EXD1: variants seen among roughly 807,000 people sequenced by gnomAD.
EXD1 encodes piRNA biogenesis protein EXD1.
Under a neutral mutation model 49.1 loss-of-function variants are expected in EXD1, and 63 were observed. The observed-to-expected ratio is 1.28, with a 90% confidence interval of 1.05 to 1.58. The LOEUF (loss-of-function observed/expected upper bound fraction) is 1.58, where lower values mean the gene tolerates loss of function less well. Among genes scored for constraint, EXD1 ranks in the 40% most tolerant of loss-of-function variants. EXD1 has a pLI of 0.00. For synonymous variants in EXD1, 234 were observed against 239.2 expected, an observed-to-expected ratio of 0.98 and a Z score of 0.20; for missense variants, 748 against 666.0, an observed-to-expected ratio of 1.12 and a Z score of -1.36.
intron 9 of EXD1, among the ~76,000 whole-genome samples, chr15:41,194,457 T>C (rs2046579792): frequency 6.6e-6 from 1 of 152,074 alleles, no homozygotes; most frequent in African/African-American, 2.4e-5. Flanking sequence ...AAGTGGCCAC[T>C]AGAAGCTGAA....
intron 10 of EXD1, 56 bp from the exon 11 acceptor site, chr15:41,190,184 A>G (rs911387175): frequency 1.9e-6 from 3 of 1,590,566 alleles, no homozygotes; most frequent in Non-Finnish European, 2.6e-6. Context: ...AAAGAAAATA[A>G]CTGTTTTAGG....
chr15:41,224,249 T>A (rs1384725073), intron 2 of EXD1, among the ~76,000 whole-genome samples: 1 of 152,152 alleles, frequency 6.6e-6, no homozygotes, highest in Non-Finnish European at 1.5e-5. Flanking sequence ...CTAGACTAAG[T>A]TTTTTGAGAA....
At chr15:41,217,029 G>A (rs1260627433) in intron 4 of EXD1, 68 bp downstream of exon 4, 8 of 1,448,336 alleles carry the variant, frequency 5.5e-6, no homozygotes, top group African/African-American at 1.4e-5. Context: ...GTGAATTAGA[G>A]TTAAGGCTTT....
At chr15:41,210,300 A>G (rs141925188) in intron 6 of EXD1, among the ~76,000 whole-genome samples, 93 of 152,310 alleles carry the variant, frequency 6.1e-4, no homozygotes, top group African/African-American at 2.2e-3. Context: ...TGAAAGGAAT[A>G]TAGGTGGTGG....
intron 7 of EXD1, among the ~76,000 whole-genome samples, chr15:41,197,796 T>C (rs2140841636): frequency 6.8e-6 from 1 of 146,046 alleles, no homozygotes; most frequent in South Asian, 2.1e-4. Context: ...GCTAATTTTT[T>C]GTATATTTTA....
At chr15:41,191,656 T>C in intron 9 of EXD1, 71 bp from the exon 10 acceptor site, 1 of 1,407,286 alleles carries the variant, frequency 7.1e-7, no homozygotes, top group Admixed American at 2.0e-5. Flanking sequence ...CAGAAATATA[T>C]TTAGAGAAAT....
Position 41,191,803 on chromosome 15 carries a change from G to A in EXD1, c.721-218C>T, listed in dbSNP as rs111971541. 7.0e-3 allele frequency among the ~76,000 whole-genome samples: 1,060 copies of A among 151,360 alleles called. 12 individuals carry two copies. Among genetic ancestry groups the A allele is most frequent in the African/African-American group, 0.023 (963 of 41,326 alleles). On this transcript the variant is annotated intron_variant, in intron 9 of 11. Transcript: ENST00000458580. ...GCTCAATTTTTTTTTTTGAGGTGGA[G>A]TCTCGCTCTGTCGCTCAGGCTGGAG...
At chr15:41,215,712 A>G in intron 6 of EXD1, 63 bp downstream of exon 6, 1 of 1,496,926 alleles carries the variant, frequency 6.7e-7, no homozygotes, top group South Asian at 1.2e-5. Flanking sequence ...AAAGAAATTT[A>G]TGACACACAG....
At chr15:41,223,807 G>A (rs538413215) in intron 2 of EXD1, among the ~76,000 whole-genome samples, 3 of 151,404 alleles carry the variant, frequency 2.0e-5, no homozygotes, top group Admixed American at 2.0e-4. Context: ...AAAGGTTCCA[G>A]TGAGCCAAGA....
intron 2 of EXD1, among the ~76,000 whole-genome samples, chr15:41,224,258 A>G (rs1228806045): frequency 6.6e-6 from 1 of 152,160 alleles, no homozygotes; most frequent in Non-Finnish European, 1.5e-5. Flanking sequence ...GTTTTTTGAG[A>G]ACAGGAACCA....
intron 11 of EXD1, among the ~76,000 whole-genome samples, chr15:41,186,289 T>C (rs570341881): frequency 1.3e-5 from 2 of 152,050 alleles, no homozygotes; most frequent in Admixed American, 1.3e-4. Flanking sequence ...CTGACCAACA[T>C]GGCCAAACCC....
chr15:41,183,746 T>C lies in EXD1; in HGVS notation c.*185A>G, dbSNP rs553889292. On this transcript the variant is annotated 3_prime_UTR_variant, in exon 12 of 12. Transcript: ENST00000458580. ...ATAATCAGAAATTATACTTCTTCCATTATTTAACTTATTCATTCTCATTCT... is the reference window on the plus strand; with the variant it reads ...ATAATCAGAAATTATACTTCTTCCACTATTTAACTTATTCATTCTCATTCT... 2.7e-5 allele frequency: 14 copies of C among 522,888 alleles called. No individual in the cohort carries two copies. In the African/African-American group the frequency reaches 2.7e-4, roughly 10 times the overall value. 32.4% of individuals were successfully genotyped at this position (522,888 alleles called of 1,614,324 possible). A position where few individuals can be genotyped will look rare whatever the true frequency, so the allele number is the denominator to read the frequency against.
intron 11 of EXD1, among the ~76,000 whole-genome samples, chr15:41,184,921 G>A (rs978877176): frequency 6.6e-6 from 1 of 152,148 alleles, no homozygotes; most frequent in African/African-American, 2.4e-5. Context: ...CTCCCAAAGT[G>A]CTGGGATTAC....
At chr15:41,218,486 CA>C (rs35305069) in intron 3 of EXD1, among the ~76,000 whole-genome samples, 2,972 of 79,002 alleles carry the variant, frequency 0.038, 28 homozygotes, top group Non-Finnish European at 0.043. Context: ...GAATCCGTCT[CA>C]AAAAAAAAAA....
intron 7 of EXD1, among the ~76,000 whole-genome samples, chr15:41,196,312 A>ATTT (rs572843554): frequency 0.026 from 2,788 of 108,018 alleles, 253 homozygotes; most frequent in African/African-American, 0.1. Flanking sequence ...CGCCCAGCTA[A>ATTT]TTTTTTTTTT....
chr15:41,199,010 C>A (rs1464896357), intron 7 of EXD1, among the ~76,000 whole-genome samples: 1 of 151,530 alleles, frequency 6.6e-6, no homozygotes, highest in Non-Finnish European at 1.5e-5. Context: ...GTTGCCCAGG[C>A]TGGAGTGCAA....
rs1412554693 is a variant in EXD1, at chr15:41,207,553, T to A, written c.534+1948A>T. ...GCAAAATTTCATCTCAAAAAAAAAA[T>A]AATAAAAAAAATAAACGTAGTGCCT... On this transcript the variant is annotated intron_variant, in intron 7 of 11. Coordinates refer to ENST00000458580, the MANE Select transcript of EXD1 (RefSeq NM_001286441.2). Among the ~76,000 whole-genome samples the A allele has an allele frequency of 6.0e-5, 9 of 151,106 alleles. No homozygotes were observed. The East Asian group carries it at 7.8e-4, about 13-fold the overall frequency.
chr15:41,222,934 CA>C (rs562493256), intron 2 of EXD1, among the ~76,000 whole-genome samples: 19,504 of 98,754 alleles, frequency 0.2, 704 homozygotes, highest in Non-Finnish European at 0.23. Context: ...GACTCTGTCT[CA>C]AAAAAAAAAA....
intron 6 of EXD1, among the ~76,000 whole-genome samples, chr15:41,212,615 T>A (rs976371060): frequency 7.2e-5 from 11 of 152,228 alleles, no homozygotes; most frequent in African/African-American, 2.2e-4. Context: ...AGAAATAAAA[T>A]CATCCACACA....
Sources: gnomAD v4.1 joint callset for allele counts (sites outside exome capture counted in the v4.1 genomes callset) on GRCh38, gnomAD v4.1.1 for gene constraint, MANE v1.5 for transcripts, NCBI Gene and HGNC (gene_info 2026-07-23, HGNC 2026-07-21) for gene names.